The following DNAH11 variants were observed in gnomAD, a reference collection of about 807,000 sequenced individuals.
DNAH11 encodes the protein dynein axonemal heavy chain 11.
DNAH11 carries 442 observed loss-of-function variants against 526.0 expected under a neutral mutation model. The ratio of observed to expected loss-of-function variants is 0.84; its 90% confidence interval spans 0.78 to 0.91. The LOEUF is 0.91. Ranked by LOEUF, DNAH11 falls within the 40% of genes least tolerant of loss-of-function variation. The probability of loss-of-function intolerance (pLI) is 0.00; values close to 1 mark genes in which losing one functional copy is unlikely to be tolerated. For missense variants in DNAH11, 6,989 were observed against 5,448.7 expected (o/e 1.28, Z -8.90); for synonymous variants, 2,461 against 1,935.9 (o/e 1.27, Z -7.12).
At chr7:21,597,834 G>A (rs2128445893) in intron 14 of DNAH11, among the ~76,000 whole-genome samples, 1 of 152,286 alleles carries the variant, frequency 6.6e-6, no homozygotes, top group East Asian at 1.9e-4. Context: ...TTCTTCAGCT[G>A]TAAGATCTAT....
chr7:21,835,716 A>C (rs1781967497), intron 65 of DNAH11, among the ~76,000 whole-genome samples: 1 of 152,136 alleles, frequency 6.6e-6, no homozygotes, highest in South Asian at 2.1e-4. Context: ...AAGGATTCTC[A>C]CTTCCACCAC....
At chr7:21,639,121 G>A (rs1787007045) in intron 28 of DNAH11, 56 bp downstream of exon 28, 6 of 1,528,938 alleles carry the variant, frequency 3.9e-6, no homozygotes, top group Non-Finnish European at 5.3e-6. Context: ...GAATGTCATA[G>A]CGTCTCTATC....
chr7:21,790,200 A>C (rs1044289371), intron 61 of DNAH11, among the ~76,000 whole-genome samples: 2 of 152,124 alleles, frequency 1.3e-5, no homozygotes, highest in Non-Finnish European at 2.9e-5. Context: ...TAATCCCAGC[A>C]CTTTGGGAGG....
At chr7:21,786,303 T>TGTGTGA (rs1491176770) in intron 58 of DNAH11, among the ~76,000 whole-genome samples, 1 of 33,768 alleles carries the variant, frequency 3.0e-5, no homozygotes, top group Non-Finnish European at 4.7e-5. Flanking sequence ...CATATACACA[T>TGTGTGA]GTGTGTGTGT....
At chr7:21,818,154 A>C in intron 64 of DNAH11, 63 bp from the exon 65 acceptor site, 2 of 1,527,678 alleles carry the variant, frequency 1.3e-6, no homozygotes, top group East Asian at 2.3e-5. Context: ...TGATCATTTA[A>C]AAAATTTTGA....
At chr7:21,778,174 T>C (rs1045599120) in intron 56 of DNAH11, among the ~76,000 whole-genome samples, 2 of 152,136 alleles carry the variant, frequency 1.3e-5, no homozygotes, top group Non-Finnish European at 2.9e-5. Context: ...CCTGATGAAA[T>C]TATAACTGAA....
At chr7:21,843,193 C>G (rs915792657) in intron 66 of DNAH11, among the ~76,000 whole-genome samples, 1 of 152,094 alleles carries the variant, frequency 6.6e-6, no homozygotes, top group Non-Finnish European at 1.5e-5. Context: ...GCTGAAAATA[C>G]TGAAATTTAG....
At chr7:21,786,351 G>A (rs1788190601) in intron 58 of DNAH11, among the ~76,000 whole-genome samples, 17 of 151,448 alleles carry the variant, frequency 1.1e-4, no homozygotes, top group Admixed American at 1.1e-3. Context: ...AGTGAGCAGG[G>A]CTCTGCAGGA....
At chr7:21,848,166 C>CAAAAAAAAAAA (rs58058317) in intron 66 of DNAH11, among the ~76,000 whole-genome samples, 29 of 89,004 alleles carry the variant, frequency 3.3e-4, no homozygotes, top group African/African-American at 1.1e-3. Context: ...GACTCTGTTT[C>CAAAAAAAAAAA]AAAAAAAAAA....
At chr7:21,704,755 C>A in intron 38 of DNAH11, 127 bp downstream of exon 38, 2 of 1,019,532 alleles carry the variant, frequency 2.0e-6, no homozygotes, top group Non-Finnish European at 2.7e-6. Flanking sequence ...TATATGCTTT[C>A]AAGCATTTTC....
intron 8 of DNAH11, among the ~76,000 whole-genome samples, chr7:21,573,291 T>C (rs12673863): frequency 0.41 from 55,488 of 133,912 alleles, 10,387 homozygotes; most frequent in East Asian, 0.6. Context: ...TTTGGAAGCC[T>C]ATTCTATTTT....
Position 21,619,234 on chromosome 7 carries a change from G to C in DNAH11, c.4377+12G>C. ...TGGGGACTGAGAAGGTAGTGTCCTC[G>C]GGACTGGGTCATTTCTACTTGGCTA... On this transcript the variant is annotated intron_variant, in intron 24 of 81. Transcript: ENST00000409508. The C allele has an allele frequency of 6.2e-7, 1 of 1,608,522 alleles. No individual in the cohort carries two copies. Among genetic ancestry groups the C allele is most frequent in the East Asian group, 2.2e-5 (1 of 44,764 alleles).
At chr7:21,634,852 G>A (rs1035494657) in intron 25 of DNAH11, among the ~76,000 whole-genome samples, 3 of 152,132 alleles carry the variant, frequency 2.0e-5, no homozygotes, top group East Asian at 1.9e-4. Context: ...TATGAGGACA[G>A]ATTTAAAACA....
intron 1 of DNAH11, among the ~76,000 whole-genome samples, chr7:21,544,119 G>A (rs1311326571): frequency 6.6e-6 from 1 of 152,184 alleles, no homozygotes; most frequent in Non-Finnish European, 1.5e-5. Flanking sequence ...TGAACATTTA[G>A]AGGGAACAGT....
chr7:21,734,395 C>G (rs1174534523), intron 45 of DNAH11, among the ~76,000 whole-genome samples: 1 of 152,042 alleles, frequency 6.6e-6, no homozygotes, highest in East Asian at 1.9e-4. Context: ...CAACTAGCAG[C>G]AAGAAAGGGA....
At position 21,765,462 on chromosome 7, in the gene DNAH11, T is replaced by G. The variant is rs1408891883; in HGVS notation, c.8975T>G (p.Leu2992Arg). The G allele has an allele frequency of 6.2e-7, 1 of 1,613,894 alleles. No homozygotes were observed. The highest frequency in any genetic ancestry group is 8.5e-7 in the Non-Finnish European group (1 of 1,179,788). Reference protein sequence around the residue: ...ILCFSPVGRTLRVRARKFPAI... With the variant: ...ILCFSPVGRTRRVRARKFPAI... ...TGTTTCTCTCCAGTTGGTCGCACGCTGAGAGTTAGAGCTCGGAAGTTCCCA... is the reference window on the plus strand; with the variant it reads ...TGTTTCTCTCCAGTTGGTCGCACGCGGAGAGTTAGAGCTCGGAAGTTCCCA... Residue 2992 changes from leucine (L) to arginine (R), a missense_variant, in exon 55 of 82, where the codon CTG becomes CGG. Transcript: ENST00000409508.
intron 7 of DNAH11, 187 bp downstream of exon 7, chr7:21,570,486 T>C (rs1783843243): frequency 4.2e-6 from 2 of 480,482 alleles, no homozygotes; most frequent in South Asian, 4.6e-5. Context: ...ATCTTTAATT[T>C]GGATTTTTTA....
chr7:21,626,972 G>C (rs547789860), intron 25 of DNAH11, among the ~76,000 whole-genome samples: 1 of 151,902 alleles, frequency 6.6e-6, no homozygotes. Context: ...GGATGGTCTC[G>C]ATCTCCTGAC....
At position 21,600,843 on chromosome 7, in the gene DNAH11, C is replaced by A; in HGVS notation, c.3168C>A (p.Gly1056=). The stretch of plus-strand genomic sequence containing the variant: ...TTATGAAGCATTTTCTCTTGTATGG[C>A]CATGCTGTGTCTTCCGATGAAATGG... ...AEFMKHFLLY[G]HAVSSDEMDA... Residue 1056 remains glycine (G), a synonymous_variant, in exon 16 of 82, where the codon GGC becomes GGA. Transcript: ENST00000409508. 6.2e-7 allele frequency: 1 copy of A among 1,613,888 alleles called. No homozygotes were observed. Among genetic ancestry groups the A allele is most frequent in the Non-Finnish European group, 8.5e-7 (1 of 1,179,854 alleles).
Sources: allele counts gnomAD v4.1 joint callset (sites outside exome capture counted in the v4.1 genomes callset), GRCh38; gene constraint gnomAD v4.1.1; transcripts MANE v1.5; gene names NCBI Gene and HGNC (gene_info 2026-07-23, HGNC 2026-07-21).